The following SYNPR variants were observed in gnomAD, a reference collection of about 807,000 sequenced individuals.
The protein encoded by SYNPR is synaptoporin.
SYNPR carries 23 observed loss-of-function variants against 32.9 expected under a neutral mutation model. That is an observed-to-expected ratio of 0.70 (90% CI 0.50 to 0.99). The LOEUF (loss-of-function observed/expected upper bound fraction) is 0.99. Among genes scored for constraint, SYNPR ranks in the 50% least tolerant of loss-of-function variants. The pLI, the probability that SYNPR is intolerant of heterozygous loss-of-function variation, is 0.00. For synonymous variants in SYNPR, 146 were observed against 135.9 expected (o/e 1.07, Z -0.52); for missense variants, 318 against 349.3 (o/e 0.91, Z 0.71).
intron 2 of SYNPR, among the ~76,000 whole-genome samples, chr3:63,384,031 C>A (rs1007006390): frequency 1.3e-5 from 2 of 152,232 alleles, no homozygotes; most frequent in African/African-American, 4.8e-5. Flanking sequence ...CTAATGACAT[C>A]TCTGTATCAA....
At chr3:63,277,676 T>C (rs12491105), upstream of SYNPR, among the ~76,000 whole-genome samples, 33,187 of 152,118 alleles carry the variant, frequency 0.22, 4,017 homozygotes, top group South Asian at 0.38. Flanking sequence ...ACCTCTTCTC[T>C]CCAGGCAGTT....
chr3:63,214,566 A>AT, the SYNPR span, among the ~76,000 whole-genome samples: 46 of 20,594 alleles, frequency 2.2e-3, 4 homozygotes, highest in East Asian at 0.023. Flanking sequence ...CCCCTTTATC[A>AT]TTTTTTATTG....
chr3:63,564,488 C>T lies in SYNPR; in HGVS notation c.408+7747C>T, dbSNP rs536772981. Among the ~76,000 whole-genome samples, 469 of 136,802 alleles carry T rather than the reference C, an allele frequency of 3.4e-3. 1 individual carries two copies. The highest frequency in any genetic ancestry group is 5.3e-3 in the Non-Finnish European group (341 of 64,312). 89.7% of individuals were successfully genotyped at this position (136,802 alleles called of 152,430 possible). A position where few individuals can be genotyped will look rare whatever the true frequency, so the allele number is the denominator to read the frequency against. On this transcript the variant is annotated intron_variant, in intron 4 of 5. Coordinates refer to ENST00000478300, the MANE Select transcript of SYNPR (RefSeq NM_001130003.2). ...GGGATTGCAGGTGTGAGCCACCGTG[C>T]CCAGCCGGTGTGTGTGTGTGTGTGT...
At chr3:63,586,094 C>T (rs1467742424) in intron 4 of SYNPR, among the ~76,000 whole-genome samples, 1 of 151,988 alleles carries the variant, frequency 6.6e-6, no homozygotes, top group Non-Finnish European at 1.5e-5. Context: ...GATGGTAAAG[C>T]ACAGGATAAT....
chr3:63,404,666 A>G (rs910298917), intron 2 of SYNPR, among the ~76,000 whole-genome samples: 14 of 152,220 alleles, frequency 9.2e-5, no homozygotes, highest in African/African-American at 3.4e-4. Flanking sequence ...ATTCTACTTT[A>G]TAAGATATTT....
chr3:63,540,828 C>A (rs912286068), intron 3 of SYNPR, among the ~76,000 whole-genome samples: 5 of 149,996 alleles, frequency 3.3e-5, no homozygotes, highest in Admixed American at 2.7e-4. Context: ...AGTATTGAAC[C>A]CTTCTTTTTA....
chr3:63,442,467 T>C (rs1700196899), intron 2 of SYNPR, among the ~76,000 whole-genome samples: 1 of 152,296 alleles, frequency 6.6e-6, no homozygotes, highest in Non-Finnish European at 1.5e-5. Context: ...TTGTCCACGA[T>C]GCCAGTGTGA....
chr3:63,609,421 C>T (rs1303198241), intron 5 of SYNPR, 105 bp downstream of exon 5: 1 of 1,025,002 alleles, frequency 9.8e-7, no homozygotes, highest in Non-Finnish European at 1.3e-6. Context: ...GCCTACAAAA[C>T]TAGGCCAATC....
intron 2 of SYNPR, among the ~76,000 whole-genome samples, chr3:63,460,595 A>G (rs540301160): frequency 6.8e-6 from 1 of 146,988 alleles, no homozygotes; most frequent in African/African-American, 2.5e-5. Flanking sequence ...AAAAAAAAAA[A>G]GCCAAGATTG....
At chr3:63,527,184 A>G in intron 3 of SYNPR, among the ~76,000 whole-genome samples, 1 of 152,152 alleles carries the variant, frequency 6.6e-6, no homozygotes, top group Admixed American at 6.5e-5. Context: ...ATTTAGGGAA[A>G]TGATCACAGG....
intron 3 of SYNPR, among the ~76,000 whole-genome samples, chr3:63,514,967 G>C (rs1467554022): frequency 1.6e-4 from 24 of 152,084 alleles, no homozygotes; most frequent in Admixed American, 1.6e-3. Flanking sequence ...CAGTAATCCT[G>C]AGTGGCAGGC....
At chr3:63,581,295 T>C (rs537155634) in intron 4 of SYNPR, among the ~76,000 whole-genome samples, 24 of 137,504 alleles carry the variant, frequency 1.7e-4, no homozygotes, top group Admixed American at 1.4e-3. Flanking sequence ...TTCGGGAAGG[T>C]TGGTGGAGGA....
intron 5 of SYNPR, among the ~76,000 whole-genome samples, chr3:63,611,749 T>C (rs1700202176): frequency 6.6e-6 from 1 of 152,230 alleles, no homozygotes; most frequent in Non-Finnish European, 1.5e-5. Flanking sequence ...ATATGTATTT[T>C]TTAAAGACTG....
chr3:63,201,040 G>A, the SYNPR span, among the ~76,000 whole-genome samples: 1 of 152,054 alleles, frequency 6.6e-6, no homozygotes, highest in African/African-American at 2.4e-5. Context: ...TATGGATTAG[G>A]TTCTGAAATT....
chr3:63,208,465 T>A, the SYNPR span, among the ~76,000 whole-genome samples: 5 of 152,220 alleles, frequency 3.3e-5, no homozygotes, highest in African/African-American at 1.2e-4. Flanking sequence ...ATGCTTCATT[T>A]ATTTTAAAAG....
At chr3:63,531,669 A>T (rs112619354) in intron 3 of SYNPR, among the ~76,000 whole-genome samples, 490 of 152,304 alleles carry the variant, frequency 3.2e-3, no homozygotes, top group Non-Finnish European at 5.4e-3. Flanking sequence ...GTTTGCACTC[A>T]TTGGGCCCAA....
chr3:63,417,234 G>T (rs1258812298), intron 2 of SYNPR, among the ~76,000 whole-genome samples: 2 of 152,236 alleles, frequency 1.3e-5, no homozygotes, highest in Non-Finnish European at 2.9e-5. Context: ...CTAAAATCCA[G>T]CAGGGCAGTA....
the SYNPR span, among the ~76,000 whole-genome samples, chr3:63,206,676 G>A: frequency 4.9e-4 from 74 of 152,290 alleles, no homozygotes; most frequent in African/African-American, 1.8e-3. Context: ...ACATAGAGAT[G>A]TATTCAAATT....
chr3:63,256,786 G>C (rs1358779865), intron 2 of SYNPR, among the ~76,000 whole-genome samples: 1 of 152,110 alleles, frequency 6.6e-6, no homozygotes, highest in African/African-American at 2.4e-5. Context: ...AAAGGAAGAA[G>C]TTCGAACCCA....
Sources: allele counts gnomAD v4.1 joint callset (sites outside exome capture counted in the v4.1 genomes callset), GRCh38; gene constraint gnomAD v4.1.1; transcripts MANE v1.5; gene names NCBI Gene and HGNC (gene_info 2026-07-23, HGNC 2026-07-21).